The following EIF2AK2 variants were observed in gnomAD, a reference collection of about 807,000 sequenced individuals.
The protein encoded by EIF2AK2 is eukaryotic translation initiation factor 2 alpha kinase 2, also known as interferon-induced, double-stranded RNA-activated protein kinase.
EIF2AK2 carries 40 observed loss-of-function variants against 70.5 expected under a neutral mutation model. The observed-to-expected ratio is 0.57, with a 90% CI of 0.44 to 0.74. The LOEUF is 0.74. Ranked by LOEUF, EIF2AK2 falls within the 30% of genes least tolerant of loss-of-function variation. EIF2AK2 has a pLI of 0.00. For synonymous variants in EIF2AK2, 198 were observed against 220.9 expected (o/e 0.90, Z 0.92); for missense variants, 555 against 644.3 (o/e 0.86, Z 1.50).
At chr2:37,147,428 C>CA (rs926232881) in intron 3 of EIF2AK2, among the ~76,000 whole-genome samples, 1 of 151,010 alleles carries the variant, frequency 6.6e-6, no homozygotes, top group African/African-American at 2.4e-5. Context: ...CGTCATTTAG[C>CA]ATTAGGTATA....
Position 37,148,798 on chromosome 2 carries a change from T to A in EIF2AK2, c.-17+59A>T, listed in dbSNP as rs547714344. ...AAAAACTAGCCCCCCAGAATTTGCA[T>A]GTAATTGACTTAGATGATGCCACTT... On this transcript the variant is annotated intron_variant, in intron 2 of 16. Coordinates refer to ENST00000233057, the MANE Select transcript of EIF2AK2 (RefSeq NM_001135651.3). 1.2e-5 allele frequency: 10 copies of A among 823,280 alleles called. No homozygotes were observed. In the Admixed American group the frequency reaches 1.4e-4, roughly 11 times the overall value. 51.0% of individuals were successfully genotyped at this position (823,280 alleles called of 1,614,324 possible).
At chr2:37,128,776 T>G (rs537185847) in intron 10 of EIF2AK2, among the ~76,000 whole-genome samples, 1 of 152,196 alleles carries the variant, frequency 6.6e-6, no homozygotes, top group Non-Finnish European at 1.5e-5. Flanking sequence ...TGGCCAATGA[T>G]GCAGTCCCCC....
chr2:37,123,572 C>A (rs900835326), intron 11 of EIF2AK2, among the ~76,000 whole-genome samples: 1 of 152,186 alleles, frequency 6.6e-6, no homozygotes, highest in African/African-American at 2.4e-5. Flanking sequence ...CCAGCCAGTG[C>A]AATTTTTCAT....
Position 37,126,317 on chromosome 2 carries a change from CGTAA to C in EIF2AK2, c.876_879del (p.Tyr293LeufsTer16), listed in dbSNP as rs759284406. 6.2e-7 allele frequency: 1 copy of C among 1,610,114 alleles called. No homozygotes were observed. The highest frequency in any genetic ancestry group is 1.3e-5 in the African/African-American group (1 of 74,764). ...TTATTATATTTAACACGTTTAATAA[CGTAA>C]GTCTTTCCGTCAATTCTGTGTTTTG... On this transcript the variant is annotated frameshift_variant, in exon 11 of 17. Coordinates refer to ENST00000233057, the MANE Select transcript of EIF2AK2 (RefSeq NM_001135651.3). LOFTEE classifies it high-confidence loss of function.
chr2:37,139,387 A>G lies in EIF2AK2; in HGVS notation c.516+244T>C, dbSNP rs1005795458. On this transcript the variant is annotated intron_variant, in intron 6 of 16. Transcript: ENST00000233057. ...TGGCCTCCCAAAGTGCTGGGATTAC[A>G]GGTGTGAGCCACCACACCCAGCCCA... Among the ~76,000 whole-genome samples the G allele has an allele frequency of 5.9e-5, 9 of 151,596 alleles. No homozygotes were observed. In the East Asian group the frequency reaches 1.6e-3, roughly 26 times the overall value.
chr2:37,154,618 T>C (rs1675857498), intron 1 of EIF2AK2, among the ~76,000 whole-genome samples: 1 of 152,100 alleles, frequency 6.6e-6, no homozygotes, highest in Non-Finnish European at 1.5e-5. Context: ...TGGAGTGTGA[T>C]GGTGGCATCT....
intron 4 of EIF2AK2, 71 bp downstream of exon 4, chr2:37,146,782 T>C (rs1255307484): frequency 6.4e-7 from 1 of 1,563,478 alleles, no homozygotes; most frequent in Non-Finnish European, 8.7e-7. Flanking sequence ...TATGAAAGTA[T>C]TTTCTCACAG....
chr2:37,114,881 C>T (rs1573001842), intron 13 of EIF2AK2, 22 bp from the exon 14 acceptor site: 1 of 1,467,882 alleles, frequency 6.8e-7, no homozygotes. Context: ...AAAAATTTAA[C>T]TTACATGTAC....
At position 37,102,858 on chromosome 2, in the gene EIF2AK2, A is replaced by C. The variant is rs537954943; in HGVS notation, c.*4415T>G. 6.6e-6 allele frequency: 1 copy of C among 152,208 alleles called. No homozygotes were observed. Among genetic ancestry groups the C allele is most frequent in the African/African-American group, 2.4e-5 (1 of 41,444 alleles). The allele number at this position is 152,208 out of a possible 1,614,324, so 9.4% of individuals were successfully genotyped here. ...TGTATATACATTGAATATATTTAACATAAGTGTTAAGTATGCATGTGAATT... is the reference window on the plus strand; with the variant it reads ...TGTATATACATTGAATATATTTAACCTAAGTGTTAAGTATGCATGTGAATT... On this transcript the variant is annotated 3_prime_UTR_variant, in exon 17 of 17. Transcript: ENST00000233057.
rs1290380150 is a variant in EIF2AK2 at position 37,106,637 on chromosome 2, G to T, written c.*636C>A. 6.6e-6 allele frequency: 1 copy of T among 150,856 alleles called. No homozygotes were observed. Among genetic ancestry groups the T allele is most frequent in the South Asian group, 2.1e-4 (1 of 4,784 alleles). The allele number at this position is 150,856 out of a possible 1,614,324, so 9.3% of individuals were successfully genotyped here. A position where few individuals can be genotyped will look rare whatever the true frequency, so the allele number is the denominator to read the frequency against. On this transcript the variant is annotated 3_prime_UTR_variant, in exon 17 of 17. Transcript: ENST00000233057. Reference sequence around the variant, plus strand: ...TTGTAAGCTATGTGAGGCAGAGAACGATCTTACATTTTTTTGGCCTAAAAG... The same window carrying T: ...TTGTAAGCTATGTGAGGCAGAGAACTATCTTACATTTTTTTGGCCTAAAAG...
intron 10 of EIF2AK2, among the ~76,000 whole-genome samples, chr2:37,131,283 C>T (rs1195068274): frequency 3.3e-5 from 5 of 152,166 alleles, no homozygotes; most frequent in Admixed American, 6.5e-5. Flanking sequence ...CATAATCAGG[C>T]CCTTGGACTA....
chr2:37,134,126 C>A (rs1268980940), intron 10 of EIF2AK2, among the ~76,000 whole-genome samples: 1 of 152,132 alleles, frequency 6.6e-6, no homozygotes, highest in Non-Finnish European at 1.5e-5. Context: ...AAACGTAACC[C>A]TAATCTATAA....
At chr2:37,147,849 G>A (rs753858159) in intron 2 of EIF2AK2, 27 bp from the exon 3 acceptor site, 2 of 1,463,662 alleles carry the variant, frequency 1.4e-6, no homozygotes, top group Admixed American at 3.4e-5. Context: ...ATTTGAATGA[G>A]TGATGCTCAC....
At chr2:37,141,951 T>C (rs4648172) in intron 4 of EIF2AK2, among the ~76,000 whole-genome samples, 6 of 152,208 alleles carry the variant, frequency 3.9e-5, no homozygotes, top group African/African-American at 1.4e-4. Flanking sequence ...GAAAGTACTA[T>C]AACACTTTCT....
In EIF2AK2 at chr2:37,100,115, A is replaced by G. The variant is rs933296386; in HGVS notation, c.*7158T>C. 1.3e-5 allele frequency: 2 copies of G among 152,140 alleles called. No individual in the cohort carries two copies. The highest frequency in any genetic ancestry group is 6.5e-5 in the Admixed American group (1 of 15,276). The allele number at this position is 152,140 out of a possible 1,614,324, so 9.4% of individuals were successfully genotyped here. A position where few individuals can be genotyped will look rare whatever the true frequency, so the allele number is the denominator to read the frequency against. On this transcript the variant is annotated 3_prime_UTR_variant, in exon 17 of 17. Coordinates refer to ENST00000233057, the MANE Select transcript of EIF2AK2 (RefSeq NM_001135651.3). ...AGGTGAATTGTATGGCATGTGAATT[A>G]TATCTCAATAAAGCAGTTATTAAAA...
At chr2:37,126,990 A>AAAAAC (rs1674759372) in intron 10 of EIF2AK2, among the ~76,000 whole-genome samples, 1 of 129,506 alleles carries the variant, frequency 7.7e-6, no homozygotes, top group African/African-American at 2.8e-5. Flanking sequence ...AAAAAAAAAA[A>AAAAAC]AAAAAAAAAA....
intron 14 of EIF2AK2, among the ~76,000 whole-genome samples, chr2:37,113,165 G>A (rs1426437015): frequency 6.6e-6 from 1 of 152,074 alleles, no homozygotes; most frequent in Non-Finnish European, 1.5e-5. Flanking sequence ...AAATAAAAAT[G>A]AGAAACCTAG....
chr2:37,135,408 C>A, intron 10 of EIF2AK2, 76 bp downstream of exon 10: 1 of 1,176,128 alleles, frequency 8.5e-7, no homozygotes, highest in Admixed American at 2.1e-5. Flanking sequence ...GGATCATGGC[C>A]ATTTCACAGA....
chr2:37,154,448 T>C (rs752028278), intron 1 of EIF2AK2, among the ~76,000 whole-genome samples: 6 of 152,226 alleles, frequency 3.9e-5, no homozygotes, highest in African/African-American at 9.6e-5. Context: ...CTAAATCCAG[T>C]AGTCAGTTCT....
Sources: gnomAD v4.1 joint callset for allele counts (sites outside exome capture counted in the v4.1 genomes callset) on GRCh38, gnomAD v4.1.1 for gene constraint, MANE v1.5 for transcripts, NCBI Gene and HGNC (gene_info 2026-07-23, HGNC 2026-07-21) for gene names.